SLC38A1: variants seen among roughly 807,000 people sequenced by gnomAD.
SLC38A1 encodes the protein sodium-coupled neutral amino acid symporter 1.
Under a neutral mutation model 60.3 loss-of-function variants are expected in SLC38A1, and 18 were observed. That is an observed-to-expected ratio of 0.30 (90% CI 0.21 to 0.44). The LOEUF (loss-of-function observed/expected upper bound fraction) is 0.44, where lower values mean the gene tolerates loss of function less well. Among genes scored for constraint, SLC38A1 ranks in the 20% least tolerant of loss-of-function variants. The pLI is 1.00. For synonymous variants in SLC38A1, 196 were observed against 212.1 expected, an observed-to-expected ratio of 0.92 and a Z score of 0.66; for missense variants, 448 against 587.2, an observed-to-expected ratio of 0.76 and a Z score of 2.45.
chr12:46,263,796 T>C lies in SLC38A1; in HGVS notation c.-209+4730A>G, dbSNP rs74082100. ...TCTATGCCTGGGAAAATTCAGGTTA[T>C]AAACTGTAACCTGAGGCTGTGGCTC... On this transcript the variant is annotated intron_variant, in intron 1 of 16. Coordinates refer to ENST00000398637, the MANE Select transcript of SLC38A1 (RefSeq NM_030674.4). Among the ~76,000 whole-genome samples, 1,493 of 152,322 alleles carry C rather than the reference T, an allele frequency of 9.8e-3. 17 individuals are homozygous for C. Among genetic ancestry groups the C allele is most frequent in the African/African-American group, 0.034 (1,417 of 41,562 alleles).
chr12:46,200,047 C>G (rs1440746082), intron 13 of SLC38A1, among the ~76,000 whole-genome samples: 1 of 152,098 alleles, frequency 6.6e-6, no homozygotes, highest in African/African-American at 2.4e-5. Context: ...AATGCATCTA[C>G]AAAGAAAAAT....
intron 4 of SLC38A1, 66 bp from the exon 5 acceptor site, chr12:46,229,334 C>T: frequency 2.7e-6 from 3 of 1,096,962 alleles, no homozygotes; most frequent in East Asian, 2.4e-5. Flanking sequence ...CAAGCCAAAG[C>T]CTTTAATGCA....
intron 12 of SLC38A1, among the ~76,000 whole-genome samples, chr12:46,202,435 T>C (rs930260523): frequency 5.3e-5 from 8 of 152,122 alleles, no homozygotes; most frequent in African/African-American, 1.9e-4. Flanking sequence ...AAAAGAGACA[T>C]GAAGAAGTTT....
chr12:46,193,005 T>A (rs1435484166), intron 16 of SLC38A1, among the ~76,000 whole-genome samples: 1 of 152,210 alleles, frequency 6.6e-6, no homozygotes, highest in Non-Finnish European at 1.5e-5. Flanking sequence ...GCTTCTCTAG[T>A]TCTTTTAATT....
intron 16 of SLC38A1, among the ~76,000 whole-genome samples, chr12:46,195,271 G>A (rs1001162713): frequency 1.3e-5 from 2 of 152,218 alleles, no homozygotes; most frequent in Admixed American, 6.5e-5. Context: ...AGCAAAGGCT[G>A]CAGAATAGCA....
At chr12:46,236,124 A>G (rs1205167867) in intron 3 of SLC38A1, among the ~76,000 whole-genome samples, 4 of 152,118 alleles carry the variant, frequency 2.6e-5, no homozygotes, top group African/African-American at 9.7e-5. Context: ...TTCCTCATTT[A>G]TTTTCACAAT....
chr12:46,200,920 C>T (rs968168055), intron 13 of SLC38A1, among the ~76,000 whole-genome samples, 178 bp downstream of exon 13: 6 of 152,060 alleles, frequency 3.9e-5, no homozygotes, highest in African/African-American at 9.7e-5. Context: ...TTATTTTATT[C>T]GGCAGTCTGC....
At chr12:46,192,749 G>C (rs1354647120) in intron 16 of SLC38A1, among the ~76,000 whole-genome samples, 1 of 152,150 alleles carries the variant, frequency 6.6e-6, no homozygotes, top group Non-Finnish European at 1.5e-5. Context: ...TCTGATGGTA[G>C]TTTGTATTTC....
intron 5 of SLC38A1, among the ~76,000 whole-genome samples, chr12:46,226,997 C>T (rs1004685684): frequency 1.2e-4 from 18 of 150,830 alleles, no homozygotes; most frequent in African/African-American, 3.7e-4. Context: ...CATCAAGGCA[C>T]GTCATTGTGA....
intron 3 of SLC38A1, among the ~76,000 whole-genome samples, chr12:46,232,651 T>G (rs1288227649): frequency 6.6e-6 from 1 of 152,336 alleles, no homozygotes; most frequent in African/African-American, 2.4e-5. Context: ...TATTTAAGTG[T>G]TGTTGTCAAA....
chr12:46,188,368 G>C lies in SLC38A1; in HGVS notation c.*602C>G, dbSNP rs902659556. ...CCAGCTAGGCCACTGGACTACCCGA[G>C]TTCAGCTGCCAGGAAATCAGAGCCA... On this transcript the variant is annotated 3_prime_UTR_variant, in exon 17 of 17. Coordinates refer to ENST00000398637, the MANE Select transcript of SLC38A1 (RefSeq NM_030674.4). 6.6e-6 allele frequency: 1 copy of C among 152,634 alleles called. No homozygotes were observed. The highest frequency in any genetic ancestry group is 1.5e-5 in the Non-Finnish European group (1 of 68,094). The allele number at this position is 152,634 out of a possible 1,614,324, so 9.5% of individuals were successfully genotyped here. A position where few individuals can be genotyped will look rare whatever the true frequency, so the allele number is the denominator to read the frequency against.
chr12:46,242,145 G>A (rs1471458928), intron 2 of SLC38A1, among the ~76,000 whole-genome samples: 1 of 152,092 alleles, frequency 6.6e-6, no homozygotes, highest in East Asian at 1.9e-4. Context: ...TGAAGTCCTG[G>A]TCACTAAAAT....
At chr12:46,203,727 T>C (rs1939765575) in intron 11 of SLC38A1, among the ~76,000 whole-genome samples, 1 of 152,226 alleles carries the variant, frequency 6.6e-6, no homozygotes, top group African/African-American at 2.4e-5. Context: ...ACCTATCTTA[T>C]GCCCTAACTC....
At chr12:46,240,167 A>T (rs1318966797) in intron 2 of SLC38A1, among the ~76,000 whole-genome samples, 1 of 152,136 alleles carries the variant, frequency 6.6e-6, no homozygotes. Context: ...GCTGTAGGTA[A>T]CAGAGACCCC....
intron 13 of SLC38A1, among the ~76,000 whole-genome samples, chr12:46,199,026 C>G (rs1002727275): frequency 6.6e-6 from 1 of 151,798 alleles, no homozygotes; most frequent in African/African-American, 2.4e-5. Context: ...ACACTGGGCT[C>G]GAGAATGAAA....
chr12:46,219,370 C>A (rs1004043065), intron 5 of SLC38A1, among the ~76,000 whole-genome samples: 3 of 152,314 alleles, frequency 2.0e-5, no homozygotes, highest in African/African-American at 7.2e-5. Context: ...TTATAAAGAT[C>A]TCATGGAACA....
At chr12:46,199,978 C>T (rs920295747) in intron 13 of SLC38A1, among the ~76,000 whole-genome samples, 1 of 152,156 alleles carries the variant, frequency 6.6e-6, no homozygotes, top group Non-Finnish European at 1.5e-5. Flanking sequence ...AATAGCTAAT[C>T]CTTTTTCTTT....
intron 1 of SLC38A1, among the ~76,000 whole-genome samples, chr12:46,258,842 T>C (rs1942112793): frequency 6.6e-6 from 1 of 152,148 alleles, no homozygotes; most frequent in African/African-American, 2.4e-5. Flanking sequence ...TCAGTGGAGA[T>C]GGGGTTTCAC....
At chr12:46,220,886 A>T (rs1349309798) in intron 5 of SLC38A1, among the ~76,000 whole-genome samples, 1 of 152,128 alleles carries the variant, frequency 6.6e-6, no homozygotes, top group Non-Finnish European at 1.5e-5. Context: ...ATTTTTTGTG[A>T]TGGGATAATA....
Sources: gnomAD v4.1 joint callset for allele counts (sites outside exome capture counted in the v4.1 genomes callset) on GRCh38, gnomAD v4.1.1 for gene constraint, MANE v1.5 for transcripts, NCBI Gene and HGNC (gene_info 2026-07-23, HGNC 2026-07-21) for gene names.